The following IL7 variants were observed in gnomAD, a reference collection of about 807,000 sequenced individuals.
IL7 encodes the protein interleukin 7.
In IL7, 3 loss-of-function variants were observed where a neutral mutation model predicts 21.6. That is an observed-to-expected ratio of 0.14 (90% CI 0.06 to 0.36). The LOEUF is 0.36. IL7 is among the 10% of genes least tolerant of loss of function. The pLI, the probability that IL7 is intolerant of heterozygous loss-of-function variation, is 1.00. For missense variants in IL7, 175 were observed against 200.2 expected, an observed-to-expected ratio of 0.87 and a Z score of 0.76; for synonymous variants, 62 against 68.1, an observed-to-expected ratio of 0.91 and a Z score of 0.44.
chr8:78,781,302 T>C (rs1813322151), intron 2 of IL7, among the ~76,000 whole-genome samples: 1 of 152,206 alleles, frequency 6.6e-6, no homozygotes, highest in African/African-American at 2.4e-5. Context: ...ATGTAGTTGC[T>C]TCATAGTATC....
chr8:78,689,506 C>G (rs1810139942), intron 3 of IL7: 3 of 780,672 alleles, frequency 3.8e-6, no homozygotes, highest in Non-Finnish European at 5.4e-6. Flanking sequence ...TTTTATATAT[C>G]TATAAAAGTT....
chr8:78,801,083 T>A (rs1326803589), intron 1 of IL7, among the ~76,000 whole-genome samples: 1 of 152,202 alleles, frequency 6.6e-6, no homozygotes, highest in African/African-American at 2.4e-5. Context: ...TACACGTACT[T>A]TCTCAATTTT....
chr8:78,802,452 A>G (rs1160160484), intron 1 of IL7, among the ~76,000 whole-genome samples: 4 of 147,332 alleles, frequency 2.7e-5, no homozygotes, highest in African/African-American at 7.6e-5. Flanking sequence ...TTTTTTTGAT[A>G]TGGAGTCTCA....
intron 2 of IL7, chr8:78,747,188 CT>C (rs1191243585): frequency 0.12 from 30,508 of 252,492 alleles, 4 homozygotes; most frequent in South Asian, 0.18. Context: ...TACTTCATTG[CT>C]TTTTTTTTTT....
chr8:78,801,243 C>G (rs916546292), intron 1 of IL7, among the ~76,000 whole-genome samples: 1 of 152,038 alleles, frequency 6.6e-6, no homozygotes, highest in Non-Finnish European at 1.5e-5. Context: ...TGGCTTCCTG[C>G]AGTTTGTTTC....
At chr8:78,797,581 C>A (rs1006215415) in intron 2 of IL7, among the ~76,000 whole-genome samples, 24 of 151,862 alleles carry the variant, frequency 1.6e-4, no homozygotes, top group Non-Finnish European at 4.4e-5. Context: ...AAAGCTTTAA[C>A]CATCAAAAAT....
At chr8:78,712,404 A>C (rs1810979385) in intron 3 of IL7, among the ~76,000 whole-genome samples, 1 of 152,228 alleles carries the variant, frequency 6.6e-6, no homozygotes, top group South Asian at 2.1e-4. Flanking sequence ...TTTTAGTAGT[A>C]ATTAGGGTTT....
intron 1 of IL7, among the ~76,000 whole-genome samples, chr8:78,799,341 C>T (rs1425161235): frequency 6.6e-6 from 1 of 152,078 alleles, no homozygotes; most frequent in Non-Finnish European, 1.5e-5. Flanking sequence ...CATGATCTGT[C>T]ATATAAAACA....
chr8:78,676,467 C>G (rs1809582863), intron 4 of IL7, among the ~76,000 whole-genome samples: 1 of 151,940 alleles, frequency 6.6e-6, no homozygotes, highest in Non-Finnish European at 1.5e-5. Flanking sequence ...ATAAAGTTAG[C>G]TAACTAAATA....
intron 3 of IL7, among the ~76,000 whole-genome samples, chr8:78,710,112 G>T (rs150950022): frequency 2.0e-4 from 30 of 152,094 alleles, no homozygotes. Context: ...TCAGCTATGA[G>T]TATTTTGAAG....
chr8:78,779,234 CT>C (rs1423456850), intron 2 of IL7, among the ~76,000 whole-genome samples: 17 of 152,236 alleles, frequency 1.1e-4, no homozygotes, highest in African/African-American at 4.1e-4. Flanking sequence ...TTATTTGTTT[CT>C]TTTGCCTGAT....
At position 78,776,438 on chromosome 8, in the gene IL7, T is replaced by G. The variant is rs543233583; in HGVS notation, c.147+21634A>C. ...AGATTTTTGAACCTTCATTGATTTT[T>G]GGGTAACTGAAACCACAGAAGCTGA... On this transcript the variant is annotated intron_variant, in intron 2 of 5. Coordinates refer to ENST00000263851, the MANE Select transcript of IL7 (RefSeq NM_000880.4). 2.6e-5 allele frequency among the ~76,000 whole-genome samples: 4 copies of G among 152,206 alleles called. No individual in the cohort carries two copies. In the East Asian group the frequency reaches 7.7e-4, roughly 29 times the overall value.
At chr8:78,797,303 T>C (rs1454345114) in intron 2 of IL7, among the ~76,000 whole-genome samples, 1 of 151,970 alleles carries the variant, frequency 6.6e-6, no homozygotes, top group Non-Finnish European at 1.5e-5. Flanking sequence ...CCATATGATT[T>C]GTATGATATG....
chr8:78,702,525 G>A (rs2130566878), intron 3 of IL7, among the ~76,000 whole-genome samples: 1 of 152,098 alleles, frequency 6.6e-6, no homozygotes, highest in East Asian at 1.9e-4. Context: ...GTTTGTTCTT[G>A]TTTTTCTAGT....
At chr8:78,681,284 A>G (rs1004263180) in intron 4 of IL7, among the ~76,000 whole-genome samples, 10 of 152,206 alleles carry the variant, frequency 6.6e-5, no homozygotes, top group Non-Finnish European at 1.2e-4. Flanking sequence ...AATGAATAAT[A>G]GAAGCGATGA....
chr8:78,700,368 G>A lies in IL7; in HGVS notation n.215-14421C>T, dbSNP rs149955511. On this transcript the variant is annotated intron_variant and non_coding_transcript_variant, in intron 3 of 4. Coordinates refer to the IL7 transcript ENST00000523959. ...TTTCTTGTAAGTTTGTTTTTTTCTT[G>A]TAAGTTTGTTTGTTAAATTATAGAT... 5.9e-3 allele frequency among the ~76,000 whole-genome samples: 898 copies of A among 151,112 alleles called. 9 individuals are homozygous for A. The highest frequency in any genetic ancestry group is 0.02 in the African/African-American group (842 of 41,164).
At chr8:78,759,474 A>G (rs1311612463) in intron 2 of IL7, among the ~76,000 whole-genome samples, 1 of 152,100 alleles carries the variant, frequency 6.6e-6, no homozygotes, top group African/African-American at 2.4e-5. Flanking sequence ...TTCTGTCTCA[A>G]CCATGAAACA....
Position 78,742,777 on chromosome 8 carries a change from C to T in IL7, c.148-2695G>A, listed in dbSNP as rs554915194. ...CAGGGGTACAAGTGCAGGTTTGTTA[C>T]ATAGGTAAACTTGTGTCATGGGTTT... On this transcript the variant is annotated intron_variant, in intron 2 of 5. Transcript: ENST00000263851. Among the ~76,000 whole-genome samples the T allele has an allele frequency of 2.0e-5, 3 of 152,186 alleles. No individual in the cohort carries two copies. The South Asian group carries it at 6.2e-4, about 32-fold the overall frequency.
At chr8:78,707,430 G>GCTGTGACATATTGTCTGA (rs1810808488) in intron 3 of IL7, among the ~76,000 whole-genome samples, 2 of 152,298 alleles carry the variant, frequency 1.3e-5, no homozygotes, top group African/African-American at 4.8e-5. Flanking sequence ...TCTTTGTCAT[G>GCTGTGACATATTGTCTGA]CTGTGACATA....
Sources: gnomAD v4.1 joint callset for allele counts (sites outside exome capture counted in the v4.1 genomes callset) on GRCh38, gnomAD v4.1.1 for gene constraint, MANE v1.5 for transcripts, NCBI Gene and HGNC (gene_info 2026-07-23, HGNC 2026-07-21) for gene names.